Variants in ARID1B observed in about 807,000 individuals in gnomAD.
The protein encoded by ARID1B is AT-rich interactive domain-containing protein 1B.
Under a neutral mutation model 212.3 loss-of-function variants are expected in ARID1B, and 30 were observed. The ratio of observed to expected loss-of-function variants is 0.14; its 90% CI spans 0.11 to 0.19. ARID1B has a LOEUF of 0.19. Ranked by LOEUF, ARID1B falls within the 10% of genes least tolerant of loss-of-function variation. The probability of loss-of-function intolerance (pLI) is 1.00; values close to 1 mark genes in which losing one functional copy is unlikely to be tolerated. For synonymous variants in ARID1B, 1,402 were observed against 1,301.7 expected, an observed-to-expected ratio of 1.08 and a Z score of -1.66; for missense variants, 2,891 against 3,204.0, an observed-to-expected ratio of 0.90 and a Z score of 2.36.
intron 3 of ARID1B, among the ~76,000 whole-genome samples, chr6:156,904,587 G>C (rs1582915351): frequency 6.6e-6 from 1 of 152,228 alleles, no homozygotes; most frequent in Non-Finnish European, 1.5e-5. Flanking sequence ...ATCTGCACGT[G>C]AGAGGACTCT....
chr6:156,962,822 C>G (rs1794482928), intron 4 of ARID1B, among the ~76,000 whole-genome samples: 1 of 151,672 alleles, frequency 6.6e-6, no homozygotes, highest in African/African-American at 2.4e-5. Context: ...CTCACGCTGT[C>G]GCCAGGCTGG....
At position 156,829,219 on chromosome 6, in the gene ARID1B, C is replaced by CGGTTTA; in HGVS notation, c.1792-8_1792-7insGGTTTA. On this transcript the variant is annotated splice_polypyrimidine_tract_variant and splice_region_variant and intron_variant, in intron 1 of 19. Transcript: ENST00000636930. ...ATTAATAAACCGACTTCTTTTATGT[C>CGGTTTA]TTCACAGGGCAGCCCAATGGATCCA... 1 of 1,598,352 alleles carries CGGTTTA rather than the reference C, an allele frequency of 6.3e-7. No homozygotes were observed. The highest frequency in any genetic ancestry group is 8.5e-7 in the Non-Finnish European group (1 of 1,170,290).
At chr6:157,118,073 T>G (rs570997457) in intron 6 of ARID1B, among the ~76,000 whole-genome samples, 1 of 152,350 alleles carries the variant, frequency 6.6e-6, no homozygotes, top group South Asian at 2.1e-4. Context: ...TCAGCTAGTT[T>G]TATGGTGATA....
chr6:156,963,039 C>A (rs1794505224), intron 4 of ARID1B, among the ~76,000 whole-genome samples: 1 of 151,730 alleles, frequency 6.6e-6, no homozygotes, highest in Admixed American at 6.6e-5. Flanking sequence ...CCTCGGCCCT[C>A]ACAAGGTGCT....
intron 1 of ARID1B, among the ~76,000 whole-genome samples, chr6:156,827,363 A>G (rs1047256783): frequency 1.3e-5 from 2 of 152,116 alleles, no homozygotes; most frequent in African/African-American, 2.4e-5. Flanking sequence ...ATCCTGCCGC[A>G]TTTCCCTTCT....
chr6:157,061,833 C>A (rs1021018624), intron 4 of ARID1B, among the ~76,000 whole-genome samples: 1 of 152,172 alleles, frequency 6.6e-6, no homozygotes, highest in South Asian at 2.1e-4. Context: ...CATAAAAAAG[C>A]CTGTTTTTGT....
chr6:157,167,525 T>A lies in ARID1B; in HGVS notation c.3235+340T>A, dbSNP rs145352360. ...TCAAATTCTCTCCATTTGGTAGTGG[T>A]GGAGACAAACATTTCGAATTCACAT... On this transcript the variant is annotated intron_variant, in intron 9 of 19. Transcript: ENST00000636930. 6.1e-3 allele frequency: 1,122 copies of A among 182,718 alleles called. 11 individuals carry two copies. Among genetic ancestry groups the A allele is most frequent in the African/African-American group, 0.023 (962 of 42,428 alleles). 11.3% of individuals were successfully genotyped at this position (182,718 alleles called of 1,614,324 possible).
intron 2 of ARID1B, among the ~76,000 whole-genome samples, chr6:156,899,826 A>G (rs1444953831): frequency 6.6e-6 from 1 of 152,152 alleles, no homozygotes; most frequent in Non-Finnish European, 1.5e-5. Context: ...TTCATAGGGG[A>G]GTTGCTGGCT....
intron 2 of ARID1B, among the ~76,000 whole-genome samples, chr6:156,869,881 TA>T (rs1245464509): frequency 6.6e-6 from 1 of 152,184 alleles, no homozygotes; most frequent in Non-Finnish European, 1.5e-5. Flanking sequence ...AATATGTCTT[TA>T]AAAATATTTA....
intron 3 of ARID1B, among the ~76,000 whole-genome samples, chr6:156,911,004 CAAAT>C (rs1210511463): frequency 6.6e-6 from 1 of 152,122 alleles, no homozygotes; most frequent in Non-Finnish European, 1.5e-5. Context: ...CTTAATTAAA[CAAAT>C]ATTTAGGCAT....
chr6:157,051,915 T>C (rs944585089), intron 4 of ARID1B, among the ~76,000 whole-genome samples: 2 of 152,174 alleles, frequency 1.3e-5, no homozygotes, highest in Non-Finnish European at 2.9e-5. Context: ...TAAAATTCTC[T>C]TGTTATCTGT....
At chr6:157,030,127 G>A (rs1014610126) in intron 4 of ARID1B, among the ~76,000 whole-genome samples, 2 of 152,156 alleles carry the variant, frequency 1.3e-5, no homozygotes, top group Admixed American at 6.5e-5. Context: ...GGTTTGTACT[G>A]GGCTTGTTCC....
At chr6:156,822,486 G>A (rs1321693669) in intron 1 of ARID1B, among the ~76,000 whole-genome samples, 1 of 152,222 alleles carries the variant, frequency 6.6e-6, no homozygotes, top group African/African-American at 2.4e-5. Context: ...CATTGGGCAT[G>A]AGAGAATCTC....
At chr6:156,940,599 C>T (rs971608171) in intron 4 of ARID1B, 3 of 152,136 alleles carry the variant, frequency 2.0e-5, no homozygotes, top group East Asian at 1.9e-4. Flanking sequence ...GGCTATTAGC[C>T]GCAGAGCATG....
chr6:156,872,431 C>T (rs925323821), intron 2 of ARID1B, among the ~76,000 whole-genome samples: 7 of 152,172 alleles, frequency 4.6e-5, no homozygotes, highest in African/African-American at 1.4e-4. Flanking sequence ...AAGTGATTCT[C>T]CTGCCTCAGC....
At chr6:156,972,555 G>A (rs1338875185) in intron 4 of ARID1B, among the ~76,000 whole-genome samples, 1 of 152,188 alleles carries the variant, frequency 6.6e-6, no homozygotes, top group Non-Finnish European at 1.5e-5. Context: ...GTAAGCATGT[G>A]AACATAAATT....
intron 2 of ARID1B, among the ~76,000 whole-genome samples, chr6:156,829,982 G>A (rs1783032116): frequency 6.6e-6 from 1 of 152,052 alleles, no homozygotes; most frequent in African/African-American, 2.4e-5. Context: ...GGTCTTGATG[G>A]GTTTTGTGTT....
chr6:157,020,981 C>T (rs1240514112), intron 4 of ARID1B, among the ~76,000 whole-genome samples: 1 of 152,222 alleles, frequency 6.6e-6, no homozygotes, highest in East Asian at 1.9e-4. Context: ...AATTCGGGGA[C>T]CCGGAAACTT....
intron 11 of ARID1B, among the ~76,000 whole-genome samples, chr6:157,178,105 G>A (rs552769040): frequency 4.1e-4 from 62 of 152,276 alleles, no homozygotes; most frequent in Admixed American, 3.3e-3. Flanking sequence ...TGCTGGCAGC[G>A]GACGCAACCT....
Sources: allele counts gnomAD v4.1 joint callset (sites outside exome capture counted in the v4.1 genomes callset), GRCh38; gene constraint gnomAD v4.1.1; transcripts MANE v1.5; gene names NCBI Gene and HGNC (gene_info 2026-07-23, HGNC 2026-07-21).